Variants in TRIM55 observed in about 807,000 individuals in gnomAD.
TRIM55 encodes the protein tripartite motif-containing protein 55.
In TRIM55, 50 loss-of-function variants were observed where a neutral mutation model predicts 60.9. The ratio of observed to expected loss-of-function variants is 0.82; its 90% CI spans 0.65 to 1.04. TRIM55 has a LOEUF of 1.04. Ranked by LOEUF, TRIM55 falls within the 50% of genes least tolerant of loss-of-function variation. The pLI is 0.00. For missense variants in TRIM55, 681 were observed against 666.9 expected (o/e 1.02, Z -0.23); for synonymous variants, 237 against 238.1 (o/e 1.00, Z 0.04).
chr8:66,132,279 C>T (rs905124385), intron 2 of TRIM55, among the ~76,000 whole-genome samples: 8 of 152,110 alleles, frequency 5.3e-5, no homozygotes, highest in Admixed American at 1.3e-4. Context: ...GGTGAAACTC[C>T]ATCTGTACTA....
chr8:66,172,838 G>A (rs556011289), intron 9 of TRIM55, among the ~76,000 whole-genome samples: 26 of 152,296 alleles, frequency 1.7e-4, no homozygotes, highest in East Asian at 3.9e-4. Context: ...TCATCCAGGC[G>A]GAATTCGCTA....
upstream of TRIM55, among the ~76,000 whole-genome samples, chr8:66,124,061 G>A (rs1457592248): frequency 6.6e-6 from 1 of 152,080 alleles, no homozygotes; most frequent in Non-Finnish European, 1.5e-5. Context: ...TCACTACATC[G>A]TCGGTTACTC....
chr8:66,128,373 T>G lies in TRIM55; in HGVS notation c.238T>G (p.Ser80Ala). 6.2e-7 allele frequency: 1 copy of G among 1,613,860 alleles called. No individual in the cohort carries two copies. The highest frequency in any genetic ancestry group is 8.5e-7 in the Non-Finnish European group (1 of 1,179,874). Residue 80 changes from serine (S) to alanine (A), a missense_variant, in exon 2 of 10, where the codon TCC becomes GCC. Physicochemically the swap from Ser to Ala is moderately conservative, Grantham distance 99. Coordinates refer to ENST00000315962, the MANE Select transcript of TRIM55 (RefSeq NM_184085.2). ...MASGGRFRCPSCRHEVVLDRH... is the reference protein window; with the variant it reads ...MASGGRFRCPACRHEVVLDRH... ...ATCAGGGGGCCGATTCCGCTGCCCA[T>G]CCTGTAGACATGAAGTGGTTTTGGA... is the stretch of plus-strand genomic sequence containing the variant.
chr8:66,153,813 A>G (rs1241483074), intron 8 of TRIM55, among the ~76,000 whole-genome samples: 1 of 152,126 alleles, frequency 6.6e-6, no homozygotes, highest in Non-Finnish European at 1.5e-5. Flanking sequence ...AGTGAGTGAA[A>G]GACAAGCTCA....
Position 66,127,293 on chromosome 8 carries a change from T to A in TRIM55, c.25T>A (p.Ser9Thr). MSASLNYKSFSKEQQTMDN... is the reference protein window; with the variant it reads MSASLNYKTFSKEQQTMDN... ...GATGAGCGCATCTCTGAATTACAAATCTTTTTCCAAAGAGCAGCAGACCAT... is the reference window on the plus strand; with the variant it reads ...GATGAGCGCATCTCTGAATTACAAAACTTTTTCCAAAGAGCAGCAGACCAT... Residue 9 changes from serine to threonine, a missense_variant, in exon 1 of 10, where the codon TCT becomes ACT. Ser to Thr is a moderately conservative substitution (Grantham distance 58). Transcript: ENST00000315962. 6.2e-7 allele frequency: 1 copy of A among 1,614,184 alleles called. No individual in the cohort carries two copies. The highest frequency in any genetic ancestry group is 8.5e-7 in the Non-Finnish European group (1 of 1,180,024).
intron 2 of TRIM55, among the ~76,000 whole-genome samples, chr8:66,131,305 C>A (rs974956523): frequency 6.6e-6 from 1 of 152,194 alleles, no homozygotes; most frequent in Non-Finnish European, 1.5e-5. Context: ...GAAATGCAGT[C>A]TCCACTCTGT....
chr8:66,122,162 G>C (rs911293961), upstream of TRIM55, among the ~76,000 whole-genome samples: 52 of 152,242 alleles, frequency 3.4e-4, no homozygotes, highest in African/African-American at 1.1e-3. Flanking sequence ...AATAAATCTT[G>C]GGGCCCCCAA....
chr8:66,142,476 C>A (rs1027045171), intron 4 of TRIM55, among the ~76,000 whole-genome samples: 2 of 152,232 alleles, frequency 1.3e-5, no homozygotes, highest in African/African-American at 4.8e-5. Context: ...AACATCTGCT[C>A]AGTCTGACAA....
chr8:66,121,709 C>T, the TRIM55 span, among the ~76,000 whole-genome samples: 1 of 152,224 alleles, frequency 6.6e-6, no homozygotes, highest in East Asian at 1.9e-4. Context: ...TATATCACTT[C>T]CTTTTCTCAG....
At chr8:66,162,223 C>A (rs532015542) in intron 9 of TRIM55, among the ~76,000 whole-genome samples, 1 of 152,156 alleles carries the variant, frequency 6.6e-6, no homozygotes, top group African/African-American at 2.4e-5. Flanking sequence ...GGGTTTTAAT[C>A]ATAAAGGGAT....
chr8:66,142,813 G>A (rs1299464534), intron 4 of TRIM55, among the ~76,000 whole-genome samples: 1 of 152,206 alleles, frequency 6.6e-6, no homozygotes, highest in Non-Finnish European at 1.5e-5. Flanking sequence ...CCAGAAGTTG[G>A]TGTCTCTGTA....
At chr8:66,139,924 G>A (rs898986453) in intron 4 of TRIM55, among the ~76,000 whole-genome samples, 4 of 152,164 alleles carry the variant, frequency 2.6e-5, no homozygotes, top group Non-Finnish European at 5.9e-5. Flanking sequence ...ATGATGAACT[G>A]CATATATGAT....
chr8:66,114,079 G>GCC, the TRIM55 span, among the ~76,000 whole-genome samples: 8 of 53,776 alleles, frequency 1.5e-4, no homozygotes, highest in Admixed American at 5.6e-4. Flanking sequence ...TCGAAGGAGA[G>GCC]ACACCCCCCC....
chr8:66,155,643 G>C (rs373183172), intron 9 of TRIM55: 2 of 1,612,270 alleles, frequency 1.2e-6, no homozygotes, highest in Admixed American at 3.3e-5. Flanking sequence ...TCTGCCTAGC[G>C]CTTTTGGCTT....
Position 66,147,477 on chromosome 8 carries a change from T to G in TRIM55, c.604-2168T>G, listed in dbSNP as rs936255252. Among the ~76,000 whole-genome samples, 4 of 151,844 alleles carry G rather than the reference T, an allele frequency of 2.6e-5. No individual in the cohort carries two copies. In the East Asian group the frequency reaches 5.8e-4, roughly 22 times the overall value. ...TCCATACTGAGAATAGTAGAGAAAT[T>G]GAGAGGAAATGAAACACATTAAAAA... On this transcript the variant is annotated intron_variant, in intron 4 of 9. Coordinates refer to ENST00000315962, the MANE Select transcript of TRIM55 (RefSeq NM_184085.2).
rs1415225524 is a variant in TRIM55, at chr8:66,145,309, G to A, written c.604-4336G>A. ...CTAAAAGTCTGTAAGTTCCAATTTCGTAATTCCAAAGAAGAGGCATGTATT... is the reference window on the plus strand; with the variant it reads ...CTAAAAGTCTGTAAGTTCCAATTTCATAATTCCAAAGAAGAGGCATGTATT... On this transcript the variant is annotated intron_variant, in intron 4 of 9. Coordinates refer to ENST00000315962, the MANE Select transcript of TRIM55 (RefSeq NM_184085.2). Among the ~76,000 whole-genome samples the A allele has an allele frequency of 3.9e-5, 6 of 152,060 alleles. 1 individual carries two copies. Among genetic ancestry groups the A allele is most frequent in the Non-Finnish European group, 5.9e-5 (4 of 68,004 alleles).
In TRIM55 at chr8:66,175,173, T is replaced by C. The variant is rs923078337; in HGVS notation, c.*580T>C. 2.6e-5 allele frequency: 4 copies of C among 152,664 alleles called. No individual in the cohort carries two copies. Among genetic ancestry groups the C allele is most frequent in the Non-Finnish European group, 4.4e-5 (3 of 68,034 alleles). The allele number at this position is 152,664 out of a possible 1,614,324, so 9.5% of individuals were successfully genotyped here. On this transcript the variant is annotated 3_prime_UTR_variant, in exon 10 of 10. Transcript: ENST00000315962. Reference sequence around the variant, plus strand: ...ATGTTCTTTGAATTTGGTGACACTTTCATGGTCCAGAAAGCTGAAGGCCTG... The same window carrying C: ...ATGTTCTTTGAATTTGGTGACACTTCCATGGTCCAGAAAGCTGAAGGCCTG...
intron 4 of TRIM55, 48 bp from the exon 5 acceptor site, chr8:66,149,597 T>C (rs1810291189): frequency 1.4e-6 from 2 of 1,440,180 alleles, no homozygotes; most frequent in Admixed American, 1.7e-5. Flanking sequence ...TTTCTCCAAA[T>C]CGACTTTGTT....
intron 9 of TRIM55, among the ~76,000 whole-genome samples, chr8:66,172,911 C>T (rs1460027921): frequency 2.6e-5 from 4 of 152,072 alleles, no homozygotes; most frequent in Admixed American, 6.5e-5. Flanking sequence ...TTTGGGCTTT[C>T]GGGGTTTTTT....
Sources: gnomAD v4.1 joint callset for allele counts (sites outside exome capture counted in the v4.1 genomes callset) on GRCh38, gnomAD v4.1.1 for gene constraint, MANE v1.5 for transcripts, NCBI Gene and HGNC (gene_info 2026-07-23, HGNC 2026-07-21) for gene names.